The following DLGAP2 variants were observed in gnomAD, a reference collection of about 807,000 sequenced individuals.
The protein encoded by DLGAP2 is disks large-associated protein 2.
A neutral mutation model predicts 100.3 loss-of-function variants in DLGAP2; 26 were observed. The ratio of observed to expected loss-of-function variants is 0.26; its 90% CI spans 0.19 to 0.36. DLGAP2 has a LOEUF of 0.36. Among genes scored for constraint, DLGAP2 ranks in the 10% least tolerant of loss-of-function variants. DLGAP2 has a pLI of 1.00. For synonymous variants in DLGAP2, 886 were observed against 630.1 expected (o/e 1.41, Z -6.08); for missense variants, 1,858 against 1,453.2 (o/e 1.28, Z -4.53).
intron 1 of DLGAP2, among the ~76,000 whole-genome samples, chr8:818,742 G>T (rs572283882): frequency 5.1e-4 from 77 of 152,294 alleles, no homozygotes; most frequent in Non-Finnish European, 1.0e-3. Flanking sequence ...AAAATAAAGA[G>T]AAAATTCAAG....
chr8:1,251,768 T>C (rs1799045784), intron 2 of DLGAP2, among the ~76,000 whole-genome samples: 1 of 152,218 alleles, frequency 6.6e-6, no homozygotes, highest in Non-Finnish European at 1.5e-5. Context: ...CGTTGTCATC[T>C]TGTCCTAGGG....
intron 2 of DLGAP2, among the ~76,000 whole-genome samples, chr8:1,149,173 C>A (rs911574787): frequency 6.6e-6 from 1 of 151,950 alleles, no homozygotes; most frequent in African/African-American, 2.4e-5. Flanking sequence ...TGAGATGGAG[C>A]CTCGCTCTGT....
chr8:838,748 T>C (rs949540115), intron 1 of DLGAP2, among the ~76,000 whole-genome samples: 8 of 152,160 alleles, frequency 5.3e-5, no homozygotes, highest in Non-Finnish European at 8.8e-5. Context: ...ATGAAGAACT[T>C]TCTTTAATGA....
At chr8:1,671,982 T>C (rs1425298915) in intron 10 of DLGAP2, among the ~76,000 whole-genome samples, 2 of 152,252 alleles carry the variant, frequency 1.3e-5, no homozygotes, top group Non-Finnish European at 2.9e-5. Context: ...TCATTCCAAT[T>C]GGACCATTTG....
intron 1 of DLGAP2, chr8:738,632 G>C (rs543138531): frequency 3.3e-5 from 5 of 152,148 alleles, no homozygotes; most frequent in African/African-American, 1.2e-4. Flanking sequence ...GCGGAGGGCT[G>C]GGGGGCGGCG....
chr8:1,021,348 A>T (rs1028689345), intron 2 of DLGAP2, among the ~76,000 whole-genome samples: 29 of 152,190 alleles, frequency 1.9e-4, no homozygotes, highest in African/African-American at 6.8e-4. Context: ...GACCCATTTC[A>T]TTCCCTGAGG....
At chr8:1,444,605 A>G (rs1481176973) in intron 3 of DLGAP2, among the ~76,000 whole-genome samples, 1 of 151,436 alleles carries the variant, frequency 6.6e-6, no homozygotes, top group Non-Finnish European at 1.5e-5. Context: ...CCCTCCCTCC[A>G]CCTCCTTCTC....
intron 2 of DLGAP2, among the ~76,000 whole-genome samples, chr8:1,209,178 G>C (rs1392695345): frequency 6.6e-6 from 1 of 152,044 alleles, no homozygotes; most frequent in African/African-American, 2.4e-5. Flanking sequence ...AACCAAAAAA[G>C]AGCCTGCATA....
chr8:841,732 C>G (rs1796987273), intron 1 of DLGAP2, among the ~76,000 whole-genome samples: 1 of 152,132 alleles, frequency 6.6e-6, no homozygotes, highest in Admixed American at 6.6e-5. Context: ...AGGTGCCGCC[C>G]CCCACACCCG....
At chr8:1,219,398 T>C (rs1563260873) in intron 2 of DLGAP2, among the ~76,000 whole-genome samples, 1 of 152,204 alleles carries the variant, frequency 6.6e-6, no homozygotes, top group Non-Finnish European at 1.5e-5. Flanking sequence ...TTTTTAGTTA[T>C]GATTATGTGA....
chr8:1,320,798 G>A (rs1447908315), intron 3 of DLGAP2, among the ~76,000 whole-genome samples: 1 of 152,236 alleles, frequency 6.6e-6, no homozygotes, highest in Non-Finnish European at 1.5e-5. Context: ...TGTTGTGACA[G>A]CCAAGGCTGG....
intron 2 of DLGAP2, among the ~76,000 whole-genome samples, chr8:975,681 C>T (rs1800144173): frequency 6.6e-6 from 1 of 152,108 alleles, no homozygotes; most frequent in Non-Finnish European, 1.5e-5. Flanking sequence ...AACCCAGCAC[C>T]CATTCATAAT....
At chr8:813,223 A>G (rs1013681845) in intron 1 of DLGAP2, among the ~76,000 whole-genome samples, 1 of 152,106 alleles carries the variant, frequency 6.6e-6, no homozygotes, top group African/African-American at 2.4e-5. Context: ...AGTTTCTGTT[A>G]TCTCGTGGAT....
chr8:1,050,435 T>C (rs758892811), intron 2 of DLGAP2, among the ~76,000 whole-genome samples: 1 of 152,200 alleles, frequency 6.6e-6, no homozygotes, highest in Admixed American at 6.5e-5. Flanking sequence ...CTGATGCGTG[T>C]GTTCTGTGCA....
At chr8:894,738 G>T (rs1246368401) in intron 1 of DLGAP2, among the ~76,000 whole-genome samples, 22 of 137,402 alleles carry the variant, frequency 1.6e-4, no homozygotes, top group African/African-American at 5.7e-4. Context: ...GGCAGGGCAG[G>T]GTGGGGAGAG....
intron 2 of DLGAP2, among the ~76,000 whole-genome samples, chr8:1,200,685 G>T (rs1343782230): frequency 6.6e-6 from 1 of 151,512 alleles, no homozygotes; most frequent in Non-Finnish European, 1.5e-5. Flanking sequence ...CACAGCCCTT[G>T]ACCTTCAAAG....
intron 3 of DLGAP2, among the ~76,000 whole-genome samples, chr8:1,260,072 TC>T (rs1426628013): frequency 6.6e-6 from 1 of 152,122 alleles, no homozygotes; most frequent in Non-Finnish European, 1.5e-5. Context: ...TGGGGGCTGT[TC>T]CCGGGTGGAG....
rs77829375 is a variant in DLGAP2, at chr8:1,237,227, A to G, written c.74-21624A>G. Among the ~76,000 whole-genome samples, 499 of 137,080 alleles carry G rather than the reference A, an allele frequency of 3.6e-3. 14 individuals carry two copies. The East Asian group carries it at 0.056, about 15-fold the overall frequency. 89.9% of individuals were successfully genotyped at this position (137,080 alleles called of 152,430 possible). A position where few individuals can be genotyped will look rare whatever the true frequency, so the allele number is the denominator to read the frequency against. ...GTGGTGCCGTGTCTAGTTCTCTCAC[A>G]TGGCGCCGTGTCTAGTTCTCTCTCA... On this transcript the variant is annotated intron_variant, in intron 2 of 14. Transcript: ENST00000637795.
chr8:1,373,051 TG>T (rs1482325989), intron 3 of DLGAP2, among the ~76,000 whole-genome samples: 7 of 152,162 alleles, frequency 4.6e-5, no homozygotes, highest in Non-Finnish European at 1.0e-4. Context: ...TTCCTCCTGT[TG>T]TTTCTTCTGG....
Sources: gnomAD v4.1 joint callset for allele counts (sites outside exome capture counted in the v4.1 genomes callset) on GRCh38, gnomAD v4.1.1 for gene constraint, MANE v1.5 for transcripts, NCBI Gene and HGNC (gene_info 2026-07-23, HGNC 2026-07-21) for gene names.